GGACT: variants seen among roughly 807,000 people sequenced by gnomAD.
The protein encoded by GGACT is gamma-glutamylamine cyclotransferase.
For synonymous variants in GGACT, 118 were observed against 115.3 expected, an observed-to-expected ratio of 1.02 and a Z score of -0.15; for missense variants, 241 against 233.2, an observed-to-expected ratio of 1.03 and a Z score of -0.22.
At chr13:100,549,332 C>T (rs904024337) in intron 2 of GGACT, among the ~76,000 whole-genome samples, 2 of 152,294 alleles carry the variant, frequency 1.3e-5, no homozygotes, top group African/African-American at 2.4e-5. Flanking sequence ...AGTGAAACTC[C>T]GTCTCAATAA....
chr13:100,538,771 T>C (rs2088522354), intron 2 of GGACT: 1 of 152,260 alleles, frequency 6.6e-6, no homozygotes, highest in South Asian at 2.1e-4. Flanking sequence ...TTTTCCTCTT[T>C]CTGCATTAAA....
chr13:100,552,711 C>G (rs1172835683), intron 2 of GGACT, among the ~76,000 whole-genome samples: 1 of 152,188 alleles, frequency 6.6e-6, no homozygotes, highest in African/African-American at 2.4e-5. Flanking sequence ...GGCTGGCTGA[C>G]AGGCCATTCA....
chr13:100,587,022 A>C (rs1166169886), intron 1 of GGACT: 2 of 152,192 alleles, frequency 1.3e-5, no homozygotes, highest in Non-Finnish European at 2.9e-5. Flanking sequence ...GCCTAGATGG[A>C]GGATGTTCTA....
chr13:100,581,656 G>A (rs1479755365), intron 2 of GGACT, among the ~76,000 whole-genome samples: 1 of 152,190 alleles, frequency 6.6e-6, no homozygotes, highest in Non-Finnish European at 1.5e-5. Context: ...CCCTTCAGAA[G>A]TGCAGGCTGC....
rs955973858 is a variant in GGACT, at chr13:100,532,105, C to T, written c.*25G>A. Reference sequence around the variant, plus strand: ...ATCTTGGAGCCCCAGGGCTCTCAAACCTAGGCCCACCCTGCCCGTCCCCCT... The same window carrying T: ...ATCTTGGAGCCCCAGGGCTCTCAAATCTAGGCCCACCCTGCCCGTCCCCCT... On this transcript the variant is annotated 3_prime_UTR_variant, in exon 3 of 3. Transcript: ENST00000683975. The T allele has an allele frequency of 7.0e-7, 1 of 1,428,122 alleles. No individual in the cohort carries two copies. The highest frequency in any genetic ancestry group is 9.2e-7 in the Non-Finnish European group (1 of 1,084,750). The allele number at this position is 1,428,122 out of a possible 1,614,324, so 88.5% of individuals were successfully genotyped here.
At chr13:100,576,407 T>C (rs1875247865) in intron 2 of GGACT, among the ~76,000 whole-genome samples, 1 of 152,160 alleles carries the variant, frequency 6.6e-6, no homozygotes, top group South Asian at 2.1e-4. Context: ...TAGAACTTTC[T>C]TACAAAATTA....
intron 2 of GGACT, among the ~76,000 whole-genome samples, chr13:100,568,786 AC>A (rs1874989586): frequency 6.6e-6 from 1 of 152,244 alleles, no homozygotes; most frequent in Admixed American, 6.5e-5. Flanking sequence ...CCATGAGCCC[AC>A]AAAATCAAAA....
chr13:100,572,808 G>A (rs148469549), intron 2 of GGACT, among the ~76,000 whole-genome samples: 1 of 152,294 alleles, frequency 6.6e-6, no homozygotes, highest in East Asian at 1.9e-4. Flanking sequence ...GAACTGTGCT[G>A]CAGGTACATT....
At chr13:100,580,295 G>A (rs1461239435) in intron 2 of GGACT, among the ~76,000 whole-genome samples, 1 of 151,768 alleles carries the variant, frequency 6.6e-6, no homozygotes, top group African/African-American at 2.4e-5. Context: ...GCTGAGATGA[G>A]ATCATCCTGG....
intron 2 of GGACT, 141 bp downstream of exon 2, chr13:100,583,684 C>G (rs577734647): frequency 2.6e-5 from 4 of 152,294 alleles, no homozygotes; most frequent in Admixed American, 2.6e-4. Context: ...TACAAGCCAC[C>G]GTACCTGGCT....
At position 100,545,303 on chromosome 13, in the gene GGACT, C is replaced by G. The variant is rs772000242; in HGVS notation, c.-10-12702G>C. Among the ~76,000 whole-genome samples the G allele has an allele frequency of 6.6e-6, 1 of 152,372 alleles. No homozygotes were observed. The highest frequency in any genetic ancestry group is 2.1e-4 in the South Asian group (1 of 4,834). On this transcript the variant is annotated intron_variant, in intron 2 of 2. Transcript: ENST00000683975. The surrounding 1 kb of genome is among the most constrained non-coding windows in gnomAD (Gnocchi z 4.4). ...GGCCGCTTCACTCCCAGCTTCTCCCCCCTTTTGCAGATGGGGAAGCTGGGG... is the reference window on the plus strand; with the variant it reads ...GGCCGCTTCACTCCCAGCTTCTCCCGCCTTTTGCAGATGGGGAAGCTGGGG...
chr13:100,555,229 G>T (rs1469168420), intron 2 of GGACT, among the ~76,000 whole-genome samples: 1 of 152,182 alleles, frequency 6.6e-6, no homozygotes, highest in African/African-American at 2.4e-5. Flanking sequence ...GACATTGGTA[G>T]AAAAGAAAAT....
rs767420850 is a variant in GGACT, at chr13:100,563,117, C to T, written c.-11+20708G>A. The stretch of plus-strand genomic sequence containing the variant: ...AGAAAGTTCTGTTGTTGAAGCCACC[C>T]GGTCTGTGGCACTTGGTTGTAGCAA... On this transcript the variant is annotated intron_variant, in intron 2 of 2. Transcript: ENST00000683975. Among the ~76,000 whole-genome samples, 10 of 152,278 alleles carry T rather than the reference C, an allele frequency of 6.6e-5. No homozygotes were observed. In the South Asian group the frequency reaches 8.3e-4, roughly 13 times the overall value.
rs1594188846 is a variant in GGACT at position 100,551,224 on chromosome 13, C to T, written c.-10-18623G>A. 2.0e-5 allele frequency among the ~76,000 whole-genome samples: 3 copies of T among 151,942 alleles called. No homozygotes were observed. The East Asian group carries it at 5.8e-4, about 29-fold the overall frequency. On this transcript the variant is annotated intron_variant, in intron 2 of 2. Transcript: ENST00000683975. ...GCATGAATCCGGGAGGTGGAGCTTG[C>T]AGTGAGCCGAGATCACGCCACTGCA...
At position 100,541,210 on chromosome 13, in the gene GGACT, C is replaced by T. The variant is rs577600278; in HGVS notation, c.-10-8609G>A. The stretch of plus-strand genomic sequence containing the variant: ...TGCTGCATCAGACACAGTGTGAGCC[C>T]AGCCCTTGCAGGGCCAGCATCAGGA... On this transcript the variant is annotated intron_variant, in intron 2 of 2. Transcript: ENST00000683975. 2.6e-5 allele frequency among the ~76,000 whole-genome samples: 4 copies of T among 152,338 alleles called. No individual in the cohort carries two copies. The South Asian group carries it at 6.2e-4, about 24-fold the overall frequency.
intron 2 of GGACT, among the ~76,000 whole-genome samples, chr13:100,554,522 C>T (rs1467145157): frequency 6.6e-6 from 1 of 152,134 alleles, no homozygotes; most frequent in African/African-American, 2.4e-5. Context: ...ATTTTTGAGA[C>T]ACTTAGGAAA....
intron 2 of GGACT, among the ~76,000 whole-genome samples, chr13:100,580,401 C>T (rs1170329655): frequency 6.6e-6 from 1 of 152,166 alleles, no homozygotes; most frequent in Non-Finnish European, 1.5e-5. Context: ...ACAGCAGAGC[C>T]GGGAGGTGTG....
intron 2 of GGACT, among the ~76,000 whole-genome samples, chr13:100,551,884 C>A (rs1231914625): frequency 6.6e-6 from 1 of 152,234 alleles, no homozygotes; most frequent in Non-Finnish European, 1.5e-5. Context: ...CTCTGTCTCT[C>A]AGAGGGGGCA....
chr13:100,539,631 C>T (rs141375281), intron 2 of GGACT: 6 of 475,568 alleles, frequency 1.3e-5, no homozygotes, highest in African/African-American at 4.0e-5. Context: ...ATTTTGGCAT[C>T]GATCTTCATC....
Sources: allele counts gnomAD v4.1 joint callset (sites outside exome capture counted in the v4.1 genomes callset), GRCh38; gene constraint gnomAD v4.1.1; non-coding constraint Gnocchi (gnomAD v3.1); transcripts MANE v1.5; gene names NCBI Gene and HGNC (gene_info 2026-07-23, HGNC 2026-07-21).